Variants in CSMD1 observed in about 807,000 individuals in gnomAD.
CSMD1 encodes CUB and Sushi multiple domains 1.
Under a neutral mutation model 417.5 loss-of-function variants are expected in CSMD1, and 213 were observed. That is an observed-to-expected ratio of 0.51 (90% CI 0.46 to 0.57). The LOEUF is 0.57. Among genes scored for constraint, CSMD1 ranks in the 20% least tolerant of loss-of-function variants. CSMD1 has a pLI of 0.00. For missense variants in CSMD1, 6,923 were observed against 4,529.7 expected (o/e 1.53, Z -15.17); for synonymous variants, 2,862 against 1,736.8 (o/e 1.65, Z -16.11).
chr8:4,116,019 G>C (rs1802120408), intron 3 of CSMD1, among the ~76,000 whole-genome samples: 2 of 146,718 alleles, frequency 1.4e-5, no homozygotes, highest in Non-Finnish European at 3.0e-5. Context: ...TTTATTTATG[G>C]AGAGGGAGTC....
intron 65 of CSMD1, among the ~76,000 whole-genome samples, chr8:2,952,336 G>C (rs369426901): frequency 6.6e-6 from 1 of 152,052 alleles, no homozygotes; most frequent in African/African-American, 2.4e-5. Context: ...AAAGTATATT[G>C]TTCCTATACC....
At chr8:3,743,725 C>G (rs550540171) in intron 6 of CSMD1, among the ~76,000 whole-genome samples, 3 of 152,114 alleles carry the variant, frequency 2.0e-5, no homozygotes, top group Admixed American at 1.3e-4. Context: ...GCTGCAAGAT[C>G]GTTACTCCCA....
At chr8:3,907,237 G>C (rs1343848196) in intron 5 of CSMD1, among the ~76,000 whole-genome samples, 1 of 152,116 alleles carries the variant, frequency 6.6e-6, no homozygotes, top group African/African-American at 2.4e-5. Flanking sequence ...TGGAAAAGTG[G>C]AAAAATATAT....
chr8:3,731,278 A>G (rs1796236949), intron 6 of CSMD1, among the ~76,000 whole-genome samples: 1 of 152,180 alleles, frequency 6.6e-6, no homozygotes, highest in Non-Finnish European at 1.5e-5. Flanking sequence ...GCATTTATGG[A>G]GATACAGATG....
At chr8:4,013,601 T>C (rs1245969212) in intron 4 of CSMD1, among the ~76,000 whole-genome samples, 2 of 152,202 alleles carry the variant, frequency 1.3e-5, no homozygotes, top group Admixed American at 6.5e-5. Context: ...CAGCAAAGTT[T>C]ATCTGTTGCT....
intron 5 of CSMD1, among the ~76,000 whole-genome samples, chr8:3,928,206 T>C (rs1809883451): frequency 6.6e-6 from 1 of 152,172 alleles, no homozygotes. Context: ...GTTAATGTAA[T>C]AATACTGAAA....
In CSMD1 at chr8:4,312,423, G is replaced by GTATATA. The variant is rs1563435221; in HGVS notation, c.415+107529_415+107530insTATATA. On this transcript the variant is annotated intron_variant, in intron 3 of 69. Transcript: ENST00000635120. ...CATATATATGCGTGTATATATATGCGCGTATATATATATGCGTATATATAT... is the reference window on the plus strand; with the variant it reads ...CATATATATGCGTGTATATATATGCGTATATACGTATATATATATGCGTATATATAT... Among the ~76,000 whole-genome samples the GTATATA allele has an allele frequency of 1.1e-4, 12 of 105,118 alleles. 2 individuals carry two copies. Among genetic ancestry groups the GTATATA allele is most frequent in the African/African-American group, 7.0e-4 (9 of 12,842 alleles). 69.0% of individuals were successfully genotyped at this position (105,118 alleles called of 152,430 possible). A position where few individuals can be genotyped will look rare whatever the true frequency, so the allele number is the denominator to read the frequency against.
intron 67 of CSMD1, 106 bp from the exon 68 acceptor site, chr8:2,949,492 G>T (rs1802479251): frequency 3.8e-6 from 2 of 521,202 alleles, no homozygotes; most frequent in Admixed American, 3.8e-5. Context: ...CTCATATTTA[G>T]ATACTACTGG....
At chr8:4,343,358 G>A (rs1341505557) in intron 3 of CSMD1, among the ~76,000 whole-genome samples, 1 of 152,014 alleles carries the variant, frequency 6.6e-6, no homozygotes, top group Admixed American at 6.6e-5. Flanking sequence ...ATATAGAACA[G>A]TGTGACTGAA....
At chr8:3,359,856 A>G (rs571808315) in intron 20 of CSMD1, among the ~76,000 whole-genome samples, 3 of 152,288 alleles carry the variant, frequency 2.0e-5, no homozygotes, top group Middle Eastern at 3.4e-3. Flanking sequence ...TATCACATGC[A>G]CCCCATAAAT....
intron 50 of CSMD1, among the ~76,000 whole-genome samples, chr8:3,034,209 T>A (rs1399406104): frequency 2.0e-5 from 3 of 152,248 alleles, no homozygotes; most frequent in Admixed American, 6.5e-5. Context: ...ATAGTTGGAA[T>A]GAAGAAAAAG....
chr8:4,001,526 G>A (rs953055957), intron 4 of CSMD1, among the ~76,000 whole-genome samples: 5 of 152,172 alleles, frequency 3.3e-5, no homozygotes, highest in East Asian at 3.8e-4. Context: ...TACCAACCCT[G>A]ATCAAATGAG....
intron 16 of CSMD1, among the ~76,000 whole-genome samples, chr8:3,396,646 A>C (rs921319673): frequency 6.6e-6 from 1 of 152,186 alleles, no homozygotes; most frequent in Non-Finnish European, 1.5e-5. Flanking sequence ...TATTCAGCTT[A>C]AACAAAAATA....
chr8:3,999,665 G>T (rs544999236), intron 4 of CSMD1, among the ~76,000 whole-genome samples: 1 of 152,140 alleles, frequency 6.6e-6, no homozygotes, highest in Non-Finnish European at 1.5e-5. Context: ...GGGATGCCAG[G>T]CTGGTCTACA....
chr8:4,102,970 T>C (rs1014467604), intron 3 of CSMD1, among the ~76,000 whole-genome samples: 6 of 152,200 alleles, frequency 3.9e-5, no homozygotes, highest in Admixed American at 3.3e-4. Flanking sequence ...CTTTAACACG[T>C]GCAGAGCCAG....
chr8:4,259,630 T>A (rs961626329), intron 3 of CSMD1, among the ~76,000 whole-genome samples: 1 of 151,912 alleles, frequency 6.6e-6, no homozygotes, highest in Non-Finnish European at 1.5e-5. Flanking sequence ...ATAGTCGGAG[T>A]CCTTACCCAA....
chr8:3,380,649 A>C (rs1287470079), intron 18 of CSMD1, among the ~76,000 whole-genome samples: 2 of 152,168 alleles, frequency 1.3e-5, no homozygotes, highest in Admixed American at 1.3e-4. Context: ...ATACAAAACC[A>C]AACACCACAT....
chr8:3,054,393 G>A (rs1812074746), intron 49 of CSMD1, among the ~76,000 whole-genome samples: 1 of 152,186 alleles, frequency 6.6e-6, no homozygotes, highest in Non-Finnish European at 1.5e-5. Context: ...TGAGGCGGGA[G>A]GATTGCTTGA....
At chr8:3,600,627 A>G (rs879383554) in intron 8 of CSMD1, among the ~76,000 whole-genome samples, 2 of 152,172 alleles carry the variant, frequency 1.3e-5, no homozygotes, top group Admixed American at 1.3e-4. Context: ...GTGGCAGTGG[A>G]AAACGACTGG....
Sources: allele counts gnomAD v4.1 joint callset (sites outside exome capture counted in the v4.1 genomes callset), GRCh38; gene constraint gnomAD v4.1.1; transcripts MANE v1.5; gene names NCBI Gene and HGNC (gene_info 2026-07-23, HGNC 2026-07-21).